Variants in INTS2 observed in about 807,000 individuals in gnomAD.
The protein encoded by INTS2 is KIAA1287.
Under a neutral mutation model 139.6 loss-of-function variants are expected in INTS2, and 57 were observed. That is an observed-to-expected ratio of 0.41 (90% CI 0.33 to 0.51). The LOEUF (loss-of-function observed/expected upper bound fraction) is 0.51. INTS2 is among the 20% of genes least tolerant of loss of function. The pLI is 0.28. For synonymous variants in INTS2, 473 were observed against 493.4 expected, an observed-to-expected ratio of 0.96 and a Z score of 0.55; for missense variants, 1,196 against 1,436.7, an observed-to-expected ratio of 0.83 and a Z score of 2.71.
Position 61,907,410 on chromosome 17 carries a change from G to C in INTS2, c.1179C>G (p.Leu393=), listed in dbSNP as rs1016196913. The C allele has an allele frequency of 5.1e-6, 8 of 1,574,676 alleles. No homozygotes were observed. Among genetic ancestry groups the C allele is most frequent in the African/African-American group, 1.4e-5 (1 of 74,046 alleles). ...TAAAATATCAAACTATTGAATACTT[G>C]AGTCCAGCGATCCCCATCAAAGCAC... is the stretch of plus-strand genomic sequence containing the variant. The part of the protein sequence containing the change: ...LYCALMGIAG[L]KPTEEEAEQL... The change falls in exon 8 of 25, where the codon CTC becomes CTG. Residue 393 remains leucine (L), a splice_region_variant and synonymous_variant. Transcript: ENST00000251334.
At chr17:61,900,877 G>A (rs1375516202) in intron 9 of INTS2, among the ~76,000 whole-genome samples, 4 of 152,120 alleles carry the variant, frequency 2.6e-5, no homozygotes, top group Middle Eastern at 3.2e-3. Context: ...ACAATCACTT[G>A]AACCCGGGAG....
intron 8 of INTS2, among the ~76,000 whole-genome samples, chr17:61,907,109 T>C (rs570041580): frequency 9.9e-5 from 15 of 152,268 alleles, no homozygotes; most frequent in Non-Finnish European, 1.5e-4. Context: ...TCATTCACTA[T>C]AGTTTTGTCA....
rs1200454571 is a variant in INTS2, at chr17:61,869,090, G to C, written c.3188C>G (p.Pro1063Arg). 1.2e-6 allele frequency: 2 copies of C among 1,612,772 alleles called. No individual in the cohort carries two copies. Among genetic ancestry groups the C allele is most frequent in the Non-Finnish European group, 1.7e-6 (2 of 1,179,076 alleles). Residue 1063 changes from proline to arginine, a missense_variant, in exon 23 of 25, where the codon CCA becomes CGA. Transcript: ENST00000251334. This position sits in a 1 kb window ranked among gnomAD's most constrained non-coding sequence, Gnocchi z 5.4. ...TAAACGAGCCACACTAAGTGACTTT[G>C]GTAATGCATATTGTATACACAAGTG... The part of the protein sequence containing the change: ...LSHLCIQYAL[P>R]KSLSVARLAV...
At chr17:61,886,367 C>T (rs1402473150) in intron 15 of INTS2, among the ~76,000 whole-genome samples, 2 of 152,260 alleles carry the variant, frequency 1.3e-5, no homozygotes, top group Middle Eastern at 3.4e-3. Context: ...TCAGGCAATA[C>T]GAATTTGACT....
Position 61,912,033 on chromosome 17 carries a change from ATCTTGTCGT to A in INTS2, c.678_686del (p.Glu226_Gln228del). ...TGCGCCTTCCTCCAAGACTTTCTTC[ATCTTGTCGT>A]TCTCCATTTTTTATCAGGCCCCTAC... On this transcript the variant is annotated inframe_deletion, in exon 6 of 25. Transcript: ENST00000251334. The A allele has an allele frequency of 6.2e-7, 1 of 1,613,808 alleles. No homozygotes were observed. The highest frequency in any genetic ancestry group is 8.5e-7 in the Non-Finnish European group (1 of 1,179,768).
rs745483705 is a variant in INTS2, at chr17:61,911,652, T to C, written c.822A>G (p.Thr274=). The C allele has an allele frequency of 1.2e-6, 2 of 1,613,850 alleles. No homozygotes were observed. Among genetic ancestry groups the C allele is most frequent in the Admixed American group, 1.7e-5 (1 of 60,006 alleles). The change falls in exon 7 of 25, where the codon ACA becomes ACG. Residue 274 remains threonine, a synonymous_variant. Coordinates refer to ENST00000251334, the MANE Select transcript of INTS2 (RefSeq NM_001351695.2). The part of the protein sequence containing the change: ...CHLPGLGVAL[T]LDHTKNEACE... ...AAGCTTCATTTTTAGTATGATCCAA[T>C]GTCAAAGCCACACCAAGGCCTGGCA... is the stretch of plus-strand genomic sequence containing the variant.
chr17:61,897,241 T>C lies in INTS2; in HGVS notation c.1494+228A>G, dbSNP rs1380414133. On this transcript the variant is annotated intron_variant, in intron 11 of 24. Coordinates refer to ENST00000251334, the MANE Select transcript of INTS2 (RefSeq NM_001351695.2). The surrounding 1 kb of genome is among the most constrained non-coding windows in gnomAD (Gnocchi z 4.4). ...TAGTATACTAGGTATCTCTGAATCA[T>C]GGAATTATAAGATATCTTTCCCTTT... 2.0e-5 allele frequency among the ~76,000 whole-genome samples: 3 copies of C among 152,174 alleles called. No individual in the cohort carries two copies. Among genetic ancestry groups the C allele is most frequent in the Admixed American group, 6.6e-5 (1 of 15,266 alleles).
chr17:61,875,204 T>A lies in INTS2; in HGVS notation c.2457-166A>T. Among the ~76,000 whole-genome samples, 1 of 152,166 alleles carries A rather than the reference T, an allele frequency of 6.6e-6. No homozygotes were observed. The highest frequency in any genetic ancestry group is 1.9e-4 in the East Asian group (1 of 5,198). ...TACAGACATCTAACCTATTAAAATA[T>A]CTCTTTAAAAAACACAGAGATAAAA... On this transcript the variant is annotated intron_variant, in intron 18 of 24. Coordinates refer to ENST00000251334, the MANE Select transcript of INTS2 (RefSeq NM_001351695.2). This position sits in a 1 kb window ranked among gnomAD's most constrained non-coding sequence, Gnocchi z 4.6.
chr17:61,876,447 G>GA lies in INTS2; in HGVS notation c.2457-1410dup, dbSNP rs898295651. 1.6e-4 allele frequency among the ~76,000 whole-genome samples: 23 copies of GA among 146,488 alleles called. No individual in the cohort carries two copies. Among genetic ancestry groups the GA allele is most frequent in the East Asian group, 7.9e-4 (4 of 5,080 alleles). ...AAAGCTCTGAAAGGAATGTCTCCAA[G>GA]AAAAAAAAAATAGTGTTTCTTTTGT... On this transcript the variant is annotated intron_variant, in intron 18 of 24. Transcript: ENST00000251334. The surrounding 1 kb of genome is among the most constrained non-coding windows in gnomAD (Gnocchi z 4.1).
chr17:61,917,082 C>T (rs2079590569), intron 5 of INTS2, among the ~76,000 whole-genome samples: 1 of 152,088 alleles, frequency 6.6e-6, no homozygotes, highest in East Asian at 1.9e-4. Flanking sequence ...TCAAAACAAT[C>T]ATGAAATGCC....
Position 61,926,341 on chromosome 17 carries a change from C to T in INTS2, c.293+11G>A, listed in dbSNP as rs1402227282. 1.3e-6 allele frequency: 2 copies of T among 1,568,964 alleles called. No individual in the cohort carries two copies. The highest frequency in any genetic ancestry group is 2.3e-5 in the East Asian group (1 of 44,268). ...AAATCCAAATCCACATATAATATAA[C>T]ATAACATTACCTAAGCTGCTGTTCT... On this transcript the variant is annotated intron_variant, in intron 2 of 24. Transcript: ENST00000251334.
intron 14 of INTS2, among the ~76,000 whole-genome samples, chr17:61,890,740 C>A (rs1603376521): frequency 6.6e-6 from 1 of 150,942 alleles, no homozygotes; most frequent in East Asian, 2.0e-4. Context: ...TCCAGGGAAC[C>A]CATTAGACTT....
At chr17:61,904,791 C>A (rs2079443937) in intron 8 of INTS2, among the ~76,000 whole-genome samples, 2 of 152,204 alleles carry the variant, frequency 1.3e-5, no homozygotes, top group South Asian at 4.1e-4. Flanking sequence ...ACAGGCAGGT[C>A]CTCCCTTTGC....
In INTS2 at chr17:61,904,460, C is replaced by T. The variant is rs1461230325; in HGVS notation, c.1307G>A (p.Ser436Asn). Reference sequence around the variant, plus strand: ...TGGAGCAACTTATATAGTTAGGTACCTGACAAGTGTAGAAAAGGCCAGTAG... The same window carrying T: ...TGGAGCAACTTATATAGTTAGGTACTTGACAAGTGTAGAAAAGGCCAGTAG... Reference protein sequence around the residue: ...CMLLAFSTLVSTPEQEQLMVV... With the variant: ...CMLLAFSTLVNTPEQEQLMVV... The change falls in exon 9 of 25, where the codon AGT becomes AAT. Residue 436 changes from serine to asparagine, a missense_variant and splice_region_variant. Ser to Asn is a conservative substitution (Grantham distance 46). Around this residue, in one of 3 missense-constraint regions of INTS2, gnomAD observed 1,129 missense variants for 1,341.9 expected, o/e 0.84. Coordinates refer to ENST00000251334, the MANE Select transcript of INTS2 (RefSeq NM_001351695.2). 1 of 1,599,350 alleles carries T rather than the reference C, an allele frequency of 6.3e-7. No individual in the cohort carries two copies.
In INTS2 at chr17:61,868,987, T is replaced by G; in HGVS notation, c.3244+47A>C. ...CACTAAATGCAGAAAATATAGGAACTATAATAATTTATGTCAGATGTTTGT... is the reference window on the plus strand; with the variant it reads ...CACTAAATGCAGAAAATATAGGAACGATAATAATTTATGTCAGATGTTTGT... On this transcript the variant is annotated intron_variant, in intron 23 of 24. Coordinates refer to ENST00000251334, the MANE Select transcript of INTS2 (RefSeq NM_001351695.2). The surrounding 1 kb of genome is among the most constrained non-coding windows in gnomAD (Gnocchi z 4.7). 9.1e-7 allele frequency: 1 copy of G among 1,095,488 alleles called. No homozygotes were observed. Among genetic ancestry groups the G allele is most frequent in the Non-Finnish European group, 1.4e-6 (1 of 720,018 alleles). The allele number at this position is 1,095,488 out of a possible 1,614,324, so 67.9% of individuals were successfully genotyped here.
At chr17:61,915,341 A>AAATAAAT (rs2079569627) in intron 5 of INTS2, among the ~76,000 whole-genome samples, 1 of 141,324 alleles carries the variant, frequency 7.1e-6, no homozygotes, top group African/African-American at 2.7e-5. Flanking sequence ...CCGTCTCAAA[A>AAATAAAT]AAATAAATAA....
At chr17:61,888,064 AAAAC>A (rs1461482073) in intron 15 of INTS2, among the ~76,000 whole-genome samples, 4 of 144,430 alleles carry the variant, frequency 2.8e-5, no homozygotes, top group African/African-American at 7.7e-5. Context: ...AAAAAAAAGA[AAAAC>A]AAATTAAAAA....
intron 6 of INTS2, 37 bp downstream of exon 6, chr17:61,911,903 T>G: frequency 6.3e-7 from 1 of 1,592,476 alleles, no homozygotes; most frequent in Non-Finnish European, 8.5e-7. Flanking sequence ...GGACCTAATA[T>G]AAAGGCCTTT....
chr17:61,886,548 A>T (rs1381499336), intron 15 of INTS2, among the ~76,000 whole-genome samples: 1 of 152,104 alleles, frequency 6.6e-6, no homozygotes, highest in African/African-American at 2.4e-5. Context: ...CCATCCTTCA[A>T]CCTGCGGCCA....
Sources: gnomAD v4.1 joint callset for allele counts (sites outside exome capture counted in the v4.1 genomes callset) on GRCh38, gnomAD v4.1.1 for gene constraint, gnomAD v4.1.1 regional missense constraint, Gnocchi (gnomAD v3.1) non-coding constraint, MANE v1.5 for transcripts, NCBI Gene and HGNC (gene_info 2026-07-23, HGNC 2026-07-21) for gene names.